The following CLDN16 variants were observed in gnomAD, a reference collection of about 807,000 sequenced individuals.
CLDN16 encodes the protein claudin-16.
CLDN16 carries 13 observed loss-of-function variants against 24.6 expected under a neutral mutation model. That is an observed-to-expected ratio of 0.53 (90% CI 0.34 to 0.84). The LOEUF (loss-of-function observed/expected upper bound fraction) is 0.84, where lower values mean the gene tolerates loss of function less well. Among genes scored for constraint, CLDN16 ranks in the 40% least tolerant of loss-of-function variants. The pLI is 0.01. For synonymous variants in CLDN16, 116 were observed against 106.7 expected (o/e 1.09, Z -0.54); for missense variants, 298 against 292.7 (o/e 1.02, Z -0.13).
At chr3:190,341,263 A>G (rs111335893) in intron 1 of CLDN16, among the ~76,000 whole-genome samples, 5,952 of 152,182 alleles carry the variant, frequency 0.039, 384 homozygotes, top group African/African-American at 0.13. Context: ...GGTTCTCTAT[A>G]AGGACCCCAC....
chr3:190,355,926 A>T lies in CLDN16; in HGVS notation n.122-14967A>T, dbSNP rs182097308. The stretch of plus-strand genomic sequence containing the variant: ...TTTTATTTTTTTTAACTTCCTATGA[A>T]ATATACCTGAATTGGTCAATTTTTA... On this transcript the variant is annotated intron_variant and non_coding_transcript_variant, in intron 1 of 4. Transcript: ENST00000468220. Among the ~76,000 whole-genome samples the T allele has an allele frequency of 1.6e-3, 247 of 151,644 alleles. 2 individuals are homozygous for T. Among genetic ancestry groups the T allele is most frequent in the African/African-American group, 4.9e-3 (201 of 41,418 alleles).
the CLDN16 span, among the ~76,000 whole-genome samples, chr3:190,297,143 CTGATAACATT>C: frequency 6.7e-6 from 1 of 148,368 alleles, no homozygotes; most frequent in Non-Finnish European, 1.5e-5. Context: ...AGTAGTTTCA[CTGATAACATT>C]TCAGTAAAAT....
upstream of CLDN16, chr3:190,322,302 C>A: frequency 2.7e-6 from 3 of 1,118,460 alleles, no homozygotes; most frequent in South Asian, 1.3e-5. Flanking sequence ...GTGGCTGGGC[C>A]CCGCGGAGGA....
the CLDN16 span, among the ~76,000 whole-genome samples, chr3:190,294,580 C>T: frequency 1.1e-4 from 17 of 152,108 alleles, no homozygotes; most frequent in South Asian, 2.1e-4. Flanking sequence ...CCTGTTTAAA[C>T]AATTAACAAA....
chr3:190,359,185 C>A (rs900507438), intron 1 of CLDN16, among the ~76,000 whole-genome samples: 4 of 152,042 alleles, frequency 2.6e-5, no homozygotes, highest in Non-Finnish European at 5.9e-5. Flanking sequence ...CCTGCAACTG[C>A]AATCTTGTTT....
intron 2 of CLDN16, 71 bp downstream of exon 2, chr3:190,402,510 T>C (rs928370591): frequency 6.7e-6 from 8 of 1,188,944 alleles, no homozygotes; most frequent in African/African-American, 3.0e-5. Flanking sequence ...AGGTTTCCAT[T>C]TTGTGCTTTG....
chr3:190,374,313 G>GTGTGTGTGTGTGTGT (rs761347927), intron 2 of CLDN16, among the ~76,000 whole-genome samples: 7 of 141,190 alleles, frequency 5.0e-5, no homozygotes, highest in African/African-American at 1.3e-4. Context: ...GTGTGTGTGT[G>GTGTGTGTGTGTGTGT]GTTTTCCCTG....
At chr3:190,313,056 A>T in the CLDN16 span, 1 of 1,614,058 alleles carries the variant, frequency 6.2e-7, no homozygotes, top group Non-Finnish European at 8.5e-7. Flanking sequence ...AACATTTTAA[A>T]ACATGTAAAA....
the CLDN16 span, among the ~76,000 whole-genome samples, chr3:190,302,591 G>A: frequency 6.6e-6 from 1 of 152,016 alleles, no homozygotes; most frequent in African/African-American, 2.4e-5. Context: ...GCAATATGGA[G>A]AAACCTCATC....
chr3:190,322,146 C>A (rs756829297), upstream of CLDN16: 1 of 1,614,212 alleles, frequency 6.2e-7, no homozygotes, highest in East Asian at 2.2e-5. Flanking sequence ...CTGACGATGG[C>A]GCCGATCCAT....
chr3:190,335,149 T>C (rs1717272331), intron 1 of CLDN16, among the ~76,000 whole-genome samples: 1 of 151,718 alleles, frequency 6.6e-6, no homozygotes, highest in African/African-American at 2.4e-5. Flanking sequence ...GTTCAAGCGA[T>C]TCTCCTGCCA....
chr3:190,303,449 A>C, the CLDN16 span, among the ~76,000 whole-genome samples: 1 of 152,242 alleles, frequency 6.6e-6, no homozygotes, highest in African/African-American at 2.4e-5. Flanking sequence ...ATCTGAGCAC[A>C]GTTTTCAAAC....
the CLDN16 span, among the ~76,000 whole-genome samples, chr3:190,305,151 G>A: frequency 6.6e-6 from 1 of 152,166 alleles, no homozygotes; most frequent in African/African-American, 2.4e-5. Context: ...TCATGCTAAT[G>A]TCTGAGACTC....
chr3:190,342,392 A>G (rs1270618225), intron 1 of CLDN16, among the ~76,000 whole-genome samples: 1 of 152,218 alleles, frequency 6.6e-6, no homozygotes. Context: ...AAATCAACAT[A>G]CAAAAATCTG....
At chr3:190,391,182 A>G (rs1388922649) in intron 1 of CLDN16, among the ~76,000 whole-genome samples, 9 of 151,720 alleles carry the variant, frequency 5.9e-5, no homozygotes, top group East Asian at 1.9e-4. Flanking sequence ...GACAATTTAA[A>G]TAAGAAGGAG....
chr3:190,345,459 T>C (rs1717531284), intron 1 of CLDN16, among the ~76,000 whole-genome samples: 2 of 152,204 alleles, frequency 1.3e-5, no homozygotes, highest in South Asian at 2.1e-4. Flanking sequence ...CCTGGAATTA[T>C]TTGAAAATGC....
chr3:190,382,614 G>A (rs1030022923), intron 3 of CLDN16, among the ~76,000 whole-genome samples: 9 of 152,034 alleles, frequency 5.9e-5, no homozygotes, highest in African/African-American at 2.2e-4. Context: ...AGTTCTAACT[G>A]TTGGAAAGTC....
At chr3:190,381,654 G>A (rs1040143527) in intron 3 of CLDN16, among the ~76,000 whole-genome samples, 1 of 151,978 alleles carries the variant, frequency 6.6e-6, no homozygotes, top group Non-Finnish European at 1.5e-5. Flanking sequence ...CTATTTTATT[G>A]TGTTAGGTAG....
intron 1 of CLDN16, among the ~76,000 whole-genome samples, chr3:190,388,701 A>C (rs1718572815): frequency 6.6e-6 from 1 of 152,202 alleles, no homozygotes. Flanking sequence ...AATTTCCACA[A>C]GGGTAATTAA....
Sources: gnomAD v4.1 joint callset for allele counts (sites outside exome capture counted in the v4.1 genomes callset) on GRCh38, gnomAD v4.1.1 for gene constraint, MANE v1.5 for transcripts, NCBI Gene and HGNC (gene_info 2026-07-23, HGNC 2026-07-21) for gene names.